Variants in NRXN3 observed in about 807,000 individuals in gnomAD.
The protein encoded by NRXN3 is neurexin 3, also known as neurexin III.
NRXN3 carries 32 observed loss-of-function variants against 137.6 expected under a neutral mutation model. The observed-to-expected ratio is 0.23, with a 90% confidence interval of 0.18 to 0.31. The LOEUF is 0.31. Ranked by LOEUF, NRXN3 falls within the 10% of genes least tolerant of loss-of-function variation. The probability of loss-of-function intolerance (pLI) is 1.00; values close to 1 mark genes in which losing one functional copy is unlikely to be tolerated. For synonymous variants in NRXN3, 798 were observed against 784.5 expected, an observed-to-expected ratio of 1.02 and a Z score of -0.29; for missense variants, 1,574 against 2,062.5, an observed-to-expected ratio of 0.76 and a Z score of 4.59.
chr14:79,217,141 AAAAG>A (rs34660488), intron 15 of NRXN3, among the ~76,000 whole-genome samples: 2,062 of 149,708 alleles, frequency 0.014, 31 homozygotes, highest in Non-Finnish European at 0.023. Flanking sequence ...TGTCTCAAAA[AAAAG>A]AAAGAAAGAA....
chr14:79,742,509 C>T (rs2098966433), intron 19 of NRXN3, among the ~76,000 whole-genome samples: 1 of 152,134 alleles, frequency 6.6e-6, no homozygotes, highest in Non-Finnish European at 1.5e-5. Context: ...GTTTCAGAAT[C>T]TCTCCACCTA....
Position 79,321,936 on chromosome 14 carries a change from G to A in NRXN3, c.3263-145285G>A, listed in dbSNP as rs7151743. Among the ~76,000 whole-genome samples the A allele has an allele frequency of 3.0e-3, 448 of 151,022 alleles. 1 individual carries two copies. Among genetic ancestry groups the A allele is most frequent in the Middle Eastern group, 0.01 (3 of 286 alleles). ...AGTTGTAGAAAGGGTCTTTTTTAGT[G>A]AATTAAGACTTCATGAAAGGCCAGT... On this transcript the variant is annotated intron_variant, in intron 15 of 20. Coordinates refer to ENST00000335750, the MANE Select transcript of NRXN3 (RefSeq NM_001330195.2).
chr14:79,349,815 T>G (rs975059773), intron 15 of NRXN3, among the ~76,000 whole-genome samples: 1 of 152,002 alleles, frequency 6.6e-6, no homozygotes, highest in South Asian at 2.1e-4. Flanking sequence ...CAGACATACA[T>G]AGAAAGAAGA....
intron 16 of NRXN3, among the ~76,000 whole-genome samples, chr14:79,637,229 T>C (rs1242072728): frequency 6.6e-6 from 1 of 152,176 alleles, no homozygotes; most frequent in Non-Finnish European, 1.5e-5. Flanking sequence ...GTCAAATTCA[T>C]AATATGCTAA....
intron 19 of NRXN3, among the ~76,000 whole-genome samples, chr14:79,727,327 AT>A (rs1199423860): frequency 1.3e-5 from 2 of 152,172 alleles, no homozygotes; most frequent in Non-Finnish European, 2.9e-5. Context: ...AGCCGGGAAT[AT>A]TCGATAGGTA....
At chr14:79,101,191 G>T (rs1174317732) in intron 15 of NRXN3, among the ~76,000 whole-genome samples, 1 of 152,172 alleles carries the variant, frequency 6.6e-6, no homozygotes, top group Non-Finnish European at 1.5e-5. Context: ...AAGGAGGGGA[G>T]GCACTCAGGG....
At chr14:79,731,400 T>C (rs2098922052) in intron 19 of NRXN3, among the ~76,000 whole-genome samples, 1 of 152,214 alleles carries the variant, frequency 6.6e-6, no homozygotes, top group African/African-American at 2.4e-5. Context: ...TCATGCAAAA[T>C]GGTAAATAAT....
intron 15 of NRXN3, among the ~76,000 whole-genome samples, chr14:78,997,116 C>G (rs1316972771): frequency 6.6e-6 from 1 of 152,166 alleles, no homozygotes; most frequent in East Asian, 1.9e-4. Flanking sequence ...CTGCGTGCAG[C>G]TTTGTTTTTC....
intron 8 of NRXN3, among the ~76,000 whole-genome samples, chr14:78,772,963 T>TTGTTTTA (rs1491341793): frequency 1.3e-5 from 2 of 152,364 alleles, no homozygotes; most frequent in East Asian, 3.9e-4. Context: ...CTATAATCTC[T>TTGTTTTA]TGTTTTATTT....
intron 17 of NRXN3, among the ~76,000 whole-genome samples, chr14:79,683,239 ACTT>A (rs987797476): frequency 6.6e-6 from 1 of 152,120 alleles, no homozygotes; most frequent in African/African-American, 2.4e-5. Flanking sequence ...GATATATAAA[ACTT>A]CTCCAGTGTT....
intron 4 of NRXN3, among the ~76,000 whole-genome samples, chr14:78,483,100 G>A (rs1315947006): frequency 6.6e-6 from 1 of 152,028 alleles, no homozygotes; most frequent in Non-Finnish European, 1.5e-5. Context: ...GTAGTCCTGG[G>A]AAGAGTGAGC....
intron 4 of NRXN3, among the ~76,000 whole-genome samples, chr14:78,458,482 C>T (rs1261596999): frequency 2.0e-5 from 3 of 152,134 alleles, no homozygotes; most frequent in African/African-American, 4.8e-5. Context: ...CTGATTATTA[C>T]CTGAGTCCCC....
chr14:78,791,020 A>G (rs750932649), intron 8 of NRXN3, among the ~76,000 whole-genome samples: 7 of 152,194 alleles, frequency 4.6e-5, no homozygotes, highest in Non-Finnish European at 1.0e-4. Context: ...TTGTCTTTCT[A>G]GACTCTAGAA....
At chr14:79,181,259 T>C (rs1047363351) in intron 15 of NRXN3, among the ~76,000 whole-genome samples, 8 of 152,134 alleles carry the variant, frequency 5.3e-5, no homozygotes, top group African/African-American at 1.2e-4. Flanking sequence ...GCCTGTAAGT[T>C]AGCACAACAT....
intron 16 of NRXN3, among the ~76,000 whole-genome samples, chr14:79,626,230 C>T (rs2098280068): frequency 6.6e-6 from 1 of 152,042 alleles, no homozygotes; most frequent in South Asian, 2.1e-4. Flanking sequence ...AGTTCTTTCT[C>T]CTTTAGGGGG....
intron 3 of NRXN3, among the ~76,000 whole-genome samples, chr14:78,291,041 C>T (rs562979541): frequency 6.6e-6 from 1 of 152,288 alleles, no homozygotes; most frequent in African/African-American, 2.4e-5. Flanking sequence ...CTTCCCAGGG[C>T]CCTTTAAACC....
At chr14:79,378,716 G>C (rs529111076) in intron 15 of NRXN3, among the ~76,000 whole-genome samples, 9 of 152,176 alleles carry the variant, frequency 5.9e-5, no homozygotes, top group African/African-American at 1.9e-4. Context: ...TGCTAGCGTT[G>C]ACCTTAATAA....
At chr14:79,551,215 C>T (rs374890591) in intron 16 of NRXN3, among the ~76,000 whole-genome samples, 23 of 152,282 alleles carry the variant, frequency 1.5e-4, no homozygotes, top group African/African-American at 5.3e-4. Flanking sequence ...CATCTACTGC[C>T]ATCCCTTCCT....
chr14:78,452,291 T>C (rs1459154640), intron 4 of NRXN3, among the ~76,000 whole-genome samples: 2 of 152,242 alleles, frequency 1.3e-5, no homozygotes, highest in African/African-American at 2.4e-5. Context: ...GATCTTCTTA[T>C]ATTTAAAGGA....
Sources: gnomAD v4.1 joint callset for allele counts (sites outside exome capture counted in the v4.1 genomes callset) on GRCh38, gnomAD v4.1.1 for gene constraint, MANE v1.5 for transcripts, NCBI Gene and HGNC (gene_info 2026-07-23, HGNC 2026-07-21) for gene names.